Variants in CD200R1 observed in about 807,000 individuals in gnomAD.
CD200R1 encodes the protein cell surface glycoprotein CD200 receptor 1.
A neutral mutation model predicts 38.1 loss-of-function variants in CD200R1; 30 were observed. The ratio of observed to expected loss-of-function variants is 0.79; its 90% CI spans 0.59 to 1.07. CD200R1 has a LOEUF of 1.07. Ranked by LOEUF, CD200R1 falls within the 50% of genes least tolerant of loss-of-function variation. The pLI is 0.00. For missense variants in CD200R1, 372 were observed against 415.4 expected, an observed-to-expected ratio of 0.90 and a Z score of 0.91; for synonymous variants, 128 against 152.1, an observed-to-expected ratio of 0.84 and a Z score of 1.16.
intron 1 of CD200R1, among the ~76,000 whole-genome samples, chr3:112,956,857 C>T (rs900396879): frequency 2.6e-5 from 4 of 152,162 alleles, no homozygotes; most frequent in African/African-American, 9.7e-5. Flanking sequence ...GCATGCCTAC[C>T]TCTGAGGTTT....
At chr3:112,968,822 G>A in intron 1 of CD200R1, among the ~76,000 whole-genome samples, 1 of 152,208 alleles carries the variant, frequency 6.6e-6, no homozygotes, top group Non-Finnish European at 1.5e-5. Context: ...TTGAGATGCT[G>A]TCCAAGGGGT....
At position 112,922,714 on chromosome 3, in the gene CD200R1, T is replaced by C. The variant is rs1940197366; in HGVS notation, c.*963A>G. On this transcript the variant is annotated 3_prime_UTR_variant, in exon 8 of 8. Coordinates refer to ENST00000308611, the MANE Select transcript of CD200R1 (RefSeq NM_138806.4). ...ATATAAATCCATTTTTATTAAATAG[T>C]ATAATTCTTATTATAATCTCACATC... is the stretch of plus-strand genomic sequence containing the variant. The C allele has an allele frequency of 6.6e-6, 1 of 151,988 alleles. No individual in the cohort carries two copies. Among genetic ancestry groups the C allele is most frequent in the Non-Finnish European group, 1.5e-5 (1 of 67,924 alleles). The allele number at this position is 151,988 out of a possible 1,614,324, so 9.4% of individuals were successfully genotyped here.
At chr3:112,936,145 A>G (rs1375771983) in intron 2 of CD200R1, among the ~76,000 whole-genome samples, 3 of 152,150 alleles carry the variant, frequency 2.0e-5, no homozygotes, top group Non-Finnish European at 4.4e-5. Flanking sequence ...TCATCTATAC[A>G]TGGCTGCATA....
rs1940216799 is a variant in CD200R1 at position 112,923,599 on chromosome 3, C to G, written c.*78G>C. 9.1e-6 allele frequency: 7 copies of G among 769,992 alleles called. No individual in the cohort carries two copies. Among genetic ancestry groups the G allele is most frequent in the Non-Finnish European group, 4.3e-6 (2 of 465,312 alleles). The allele number at this position is 769,992 out of a possible 1,614,324, so 47.7% of individuals were successfully genotyped here. A position where few individuals can be genotyped will look rare whatever the true frequency, so the allele number is the denominator to read the frequency against. ...CCTAATTTCAATATAAGTCTTCATT[C>G]TAGAACTGTAAGAAAATCAGACAGT... On this transcript the variant is annotated 3_prime_UTR_variant, in exon 8 of 8. Coordinates refer to ENST00000308611, the MANE Select transcript of CD200R1 (RefSeq NM_138806.4).
chr3:112,923,802 A>G lies in CD200R1; in HGVS notation c.925-3T>C, dbSNP rs372167181. On this transcript the variant is annotated splice_polypyrimidine_tract_variant and splice_region_variant and intron_variant, in intron 7 of 7. Transcript: ENST00000308611. ...CTGGCATAGGGCTGCATTTCATCCT[A>G]AGAAAGAACTCAAAGTTAAAATCAA... is the stretch of plus-strand genomic sequence containing the variant. The G allele has an allele frequency of 1.3e-6, 2 of 1,547,670 alleles. No homozygotes were observed. The highest frequency in any genetic ancestry group is 1.4e-5 in the African/African-American group (1 of 71,752).
chr3:112,967,701 A>T (rs78661547), intron 1 of CD200R1, among the ~76,000 whole-genome samples: 1 of 152,102 alleles, frequency 6.6e-6, no homozygotes, highest in Non-Finnish European at 1.5e-5. Flanking sequence ...CTAAGCAAGA[A>T]TCTCAAACAT....
At chr3:112,955,469 C>T (rs1326072299) in intron 1 of CD200R1, among the ~76,000 whole-genome samples, 1 of 151,120 alleles carries the variant, frequency 6.6e-6, no homozygotes, top group Non-Finnish European at 1.5e-5. Flanking sequence ...CTAAATTGAC[C>T]TCTTTATCAA....
Position 112,922,722 on chromosome 3 carries a change from T to C in CD200R1, c.*955A>G, listed in dbSNP as rs1044978918. ...CCATTTTTATTAAATAGTATAATTC[T>C]TATTATAATCTCACATCATATTTAA... On this transcript the variant is annotated 3_prime_UTR_variant, in exon 8 of 8. Transcript: ENST00000308611. 22 of 151,996 alleles carry C rather than the reference T, an allele frequency of 1.4e-4. No individual in the cohort carries two copies. Among genetic ancestry groups the C allele is most frequent in the African/African-American group, 5.3e-4 (22 of 41,440 alleles). The allele number at this position is 151,996 out of a possible 1,614,324, so 9.4% of individuals were successfully genotyped here.
chr3:112,972,547 A>T (rs577904890), intron 1 of CD200R1, among the ~76,000 whole-genome samples: 94 of 69,812 alleles, frequency 1.3e-3, no homozygotes, highest in Middle Eastern at 8.2e-3. Flanking sequence ...CAATAGGGCT[A>T]AAAAAAAGGA....
At chr3:112,929,607 T>C (rs1940378057) in intron 3 of CD200R1, 100 bp from the exon 4 acceptor site, 2 of 1,097,118 alleles carry the variant, frequency 1.8e-6, no homozygotes, top group Non-Finnish European at 2.6e-6. Flanking sequence ...CATAACTTTG[T>C]TGGTGATCTT....
At chr3:112,956,329 T>C (rs1027593999) in intron 1 of CD200R1, among the ~76,000 whole-genome samples, 2 of 152,184 alleles carry the variant, frequency 1.3e-5, no homozygotes, top group African/African-American at 4.8e-5. Flanking sequence ...TTTCATTGTA[T>C]TTTTCAGCAC....
chr3:112,948,662 TAA>T (rs1940915551), intron 1 of CD200R1, among the ~76,000 whole-genome samples: 2 of 152,116 alleles, frequency 1.3e-5, no homozygotes, highest in South Asian at 2.1e-4. Context: ...GCCCAATCCC[TAA>T]TAGGCCAAGG....
intron 5 of CD200R1, among the ~76,000 whole-genome samples, chr3:112,928,423 G>C (rs1940330810): frequency 1.3e-5 from 2 of 152,090 alleles, no homozygotes; most frequent in Non-Finnish European, 2.9e-5. Flanking sequence ...GAAAAGTCCA[G>C]AAAACAAAAT....
At position 112,921,457 on chromosome 3, in the gene CD200R1, GAGAA is replaced by G. The variant is rs1940170214; in HGVS notation, c.*2216_*2219del. ...AGAGATATTGAAAGAGAGAGAGACA[GAGAA>G]AGAGAGAGAAAATTGACAAATCTAG... On this transcript the variant is annotated 3_prime_UTR_variant, in exon 8 of 8. Coordinates refer to ENST00000308611, the MANE Select transcript of CD200R1 (RefSeq NM_138806.4). 1.1e-5 allele frequency: 1 copy of G among 93,138 alleles called. No homozygotes were observed. Among genetic ancestry groups the G allele is most frequent in the South Asian group, 3.3e-4 (1 of 3,036 alleles). 5.8% of individuals were successfully genotyped at this position (93,138 alleles called of 1,614,324 possible).
rs78330608 is a variant in CD200R1 at position 112,961,897 on chromosome 3, A to C, written c.67+12894T>G. ...AGATTAAATATGTTAAAGGTGACAC[A>C]GTAATTATAATTCTACTCTTTAGGT... On this transcript the variant is annotated intron_variant, in intron 1 of 7. Transcript: ENST00000308611. Among the ~76,000 whole-genome samples, 7 of 152,344 alleles carry C rather than the reference A, an allele frequency of 4.6e-5. No individual in the cohort carries two copies. In the East Asian group the frequency reaches 1.3e-3, roughly 29 times the overall value.
chr3:112,974,734 T>C (rs1933398465), intron 1 of CD200R1, 57 bp downstream of exon 1: 16 of 1,144,088 alleles, frequency 1.4e-5, no homozygotes, highest in Non-Finnish European at 1.3e-6. Flanking sequence ...AAAAATAAAC[T>C]CAGGAAGAGC....
At chr3:112,941,229 T>C (rs1372583125) in intron 2 of CD200R1, among the ~76,000 whole-genome samples, 1 of 151,642 alleles carries the variant, frequency 6.6e-6, no homozygotes, top group Non-Finnish European at 1.5e-5. Context: ...GCAAGTTCTA[T>C]TGTTTTATAG....
intron 1 of CD200R1, among the ~76,000 whole-genome samples, chr3:112,969,366 G>A (rs1448669431): frequency 2.6e-5 from 4 of 152,076 alleles, no homozygotes; most frequent in African/African-American, 9.7e-5. Flanking sequence ...TACACTACTA[G>A]AAACAATAAC....
At chr3:112,927,263 CACATAT>C (rs1940301740) in intron 5 of CD200R1, among the ~76,000 whole-genome samples, 1 of 152,154 alleles carries the variant, frequency 6.6e-6, no homozygotes. Flanking sequence ...CACACACATA[CACATAT>C]TGCTCCCTCC....
Sources: allele counts gnomAD v4.1 joint callset (sites outside exome capture counted in the v4.1 genomes callset), GRCh38; gene constraint gnomAD v4.1.1; transcripts MANE v1.5; gene names NCBI Gene and HGNC (gene_info 2026-07-23, HGNC 2026-07-21).